The following SETD3 variants were observed in gnomAD, a reference collection of about 807,000 sequenced individuals.
The protein encoded by SETD3 is actin-histidine N-methyltransferase.
In SETD3, 19 loss-of-function variants were observed where a neutral mutation model predicts 63.0. That is an observed-to-expected ratio of 0.30 (90% CI 0.21 to 0.44). The LOEUF (loss-of-function observed/expected upper bound fraction) is 0.44. Among genes scored for constraint, SETD3 ranks in the 20% least tolerant of loss-of-function variants. SETD3 has a pLI of 1.00. For synonymous variants in SETD3, 286 were observed against 264.1 expected, an observed-to-expected ratio of 1.08 and a Z score of -0.80; for missense variants, 587 against 728.5, an observed-to-expected ratio of 0.81 and a Z score of 2.24.
intron 9 of SETD3, among the ~76,000 whole-genome samples, chr14:99,406,166 TA>T (rs1891670713): frequency 6.6e-6 from 1 of 151,918 alleles, no homozygotes; most frequent in Admixed American, 6.5e-5. Flanking sequence ...GTAGAAAAAA[TA>T]AAGGCAACAG....
intron 1 of SETD3, among the ~76,000 whole-genome samples, chr14:99,473,975 T>C (rs1036824270): frequency 1.3e-5 from 2 of 152,168 alleles, no homozygotes; most frequent in Non-Finnish European, 1.5e-5. Context: ...CCATACCAAC[T>C]CATACCAGTT....
intron 1 of SETD3, among the ~76,000 whole-genome samples, chr14:99,475,234 C>G (rs1440576941): frequency 6.6e-6 from 1 of 152,134 alleles, no homozygotes; most frequent in East Asian, 1.9e-4. Flanking sequence ...TAGAGGAGAC[C>G]TCTGGGGTTA....
intron 6 of SETD3, among the ~76,000 whole-genome samples, chr14:99,448,356 C>T (rs1050159070): frequency 8.5e-5 from 13 of 152,192 alleles, no homozygotes; most frequent in Admixed American, 6.5e-5. Context: ...GCTCTCAGCA[C>T]AGCTTCAGCC....
intron 6 of SETD3, among the ~76,000 whole-genome samples, chr14:99,422,138 T>C (rs1352971421): frequency 6.6e-6 from 1 of 152,212 alleles, no homozygotes; most frequent in Non-Finnish European, 1.5e-5. Context: ...GTAACTTAGA[T>C]TACCTGGTCT....
chr14:99,475,044 T>C lies in SETD3; in HGVS notation c.-9+5684A>G, dbSNP rs1025098235. Among the ~76,000 whole-genome samples the C allele has an allele frequency of 1.5e-4, 23 of 152,190 alleles. 1 individual carries two copies. Among genetic ancestry groups the C allele is most frequent in the South Asian group, 1.4e-3 (7 of 4,834 alleles). ...TTAATGGAAGTTACCAAAAAAACCT[T>C]TTGTAAAGCAAAAAATCATTGGGTA... On this transcript the variant is annotated intron_variant, in intron 1 of 12. Coordinates refer to ENST00000331768, the MANE Select transcript of SETD3 (RefSeq NM_032233.3).
At chr14:99,474,260 G>T (rs1165811022) in intron 1 of SETD3, among the ~76,000 whole-genome samples, 1 of 152,200 alleles carries the variant, frequency 6.6e-6, no homozygotes, top group African/African-American at 2.4e-5. Flanking sequence ...AGGAGGTGGA[G>T]ATTGCAGTGA....
chr14:99,458,420 G>A lies in SETD3; in HGVS notation c.534C>T (p.Thr178=). 6.2e-7 allele frequency: 1 copy of A among 1,614,088 alleles called. No individual in the cohort carries two copies. The highest frequency in any genetic ancestry group is 8.5e-7 in the Non-Finnish European group (1 of 1,180,014). ...GAGGAGTGTCATATTCACTGGGGAG[G>A]GTTTGAATATAGGGCTGCCAGAAGG... ...PNSFWQPYIQ[T]LPSEYDTPLY... is the part of the protein sequence containing the mutation. Residue 178 remains threonine (T), a synonymous_variant, in exon 6 of 13, where the codon ACC becomes ACT. Transcript: ENST00000331768.
intron 6 of SETD3, among the ~76,000 whole-genome samples, chr14:99,436,117 G>C (rs190059408): frequency 2.4e-4 from 36 of 152,084 alleles, no homozygotes; most frequent in African/African-American, 8.0e-4. Flanking sequence ...ACTATCACAA[G>C]AACAACATGG....
Position 99,464,203 on chromosome 14 carries a change from G to A in SETD3, c.104-625C>T, listed in dbSNP as rs560010429. Among the ~76,000 whole-genome samples, 11 of 152,292 alleles carry A rather than the reference G, an allele frequency of 7.2e-5. No individual in the cohort carries two copies. In the East Asian group the frequency reaches 1.4e-3, roughly 19 times the overall value. Reference sequence around the variant, plus strand: ...GGCCAGAACCAAAAGACCAACACCCGAGGCTGAGGTGTGAGTTTGAAAGAC... The same window carrying A: ...GGCCAGAACCAAAAGACCAACACCCAAGGCTGAGGTGTGAGTTTGAAAGAC... On this transcript the variant is annotated intron_variant, in intron 2 of 12. Transcript: ENST00000331768.
intron 8 of SETD3, chr14:99,409,781 AAAAC>A (rs1262572654): frequency 6.5e-6 from 1 of 153,346 alleles, no homozygotes; most frequent in South Asian, 2.1e-4. Flanking sequence ...TATTTTTTAA[AAAAC>A]AAAGAAAAAA....
chr14:99,483,186 G>A (rs370572155), upstream of SETD3, among the ~76,000 whole-genome samples: 60 of 152,230 alleles, frequency 3.9e-4, no homozygotes, highest in East Asian at 6.2e-3. Flanking sequence ...TGTTGGAAGA[G>A]CCAACAAGTT....
chr14:99,467,984 T>C (rs981909234), intron 1 of SETD3, among the ~76,000 whole-genome samples: 1 of 152,046 alleles, frequency 6.6e-6, no homozygotes, highest in African/African-American at 2.4e-5. Context: ...ACAGAGCTCT[T>C]CATTTGATCT....
chr14:99,481,821 C>T (rs1190822112), upstream of SETD3, among the ~76,000 whole-genome samples: 1 of 152,250 alleles, frequency 6.6e-6, no homozygotes, highest in Non-Finnish European at 1.5e-5. Context: ...CAGCCACAGA[C>T]TTCTCATATC....
At chr14:99,440,060 T>C (rs1351441548) in intron 6 of SETD3, among the ~76,000 whole-genome samples, 3 of 152,100 alleles carry the variant, frequency 2.0e-5, no homozygotes, top group African/African-American at 7.2e-5. Context: ...CTCCCCACCC[T>C]GGCCTCCCAA....
chr14:99,447,737 T>C (rs1894216262), intron 6 of SETD3, among the ~76,000 whole-genome samples: 1 of 151,968 alleles, frequency 6.6e-6, no homozygotes, highest in South Asian at 2.1e-4. Context: ...GTTGAACCGG[T>C]AAGGATAACA....
intron 6 of SETD3, among the ~76,000 whole-genome samples, chr14:99,421,367 G>A (rs1300700846): frequency 6.6e-6 from 1 of 151,336 alleles, no homozygotes; most frequent in Non-Finnish European, 1.5e-5. Flanking sequence ...AATAATTCAG[G>A]ATAACTACGT....
intron 6 of SETD3, among the ~76,000 whole-genome samples, chr14:99,441,413 A>G (rs897376286): frequency 3.3e-5 from 5 of 152,222 alleles, no homozygotes; most frequent in African/African-American, 1.2e-4. Flanking sequence ...GCACTAGGCC[A>G]GGCGGCAGTG....
At chr14:99,462,404 T>C (rs757559738) in intron 3 of SETD3, among the ~76,000 whole-genome samples, 9 of 152,218 alleles carry the variant, frequency 5.9e-5, no homozygotes, top group Admixed American at 3.9e-4. Context: ...TGTGGCCATC[T>C]TACCACAGCA....
At chr14:99,435,740 CCA>C (rs1344716890) in intron 6 of SETD3, among the ~76,000 whole-genome samples, 9 of 121,848 alleles carry the variant, frequency 7.4e-5, no homozygotes, top group Middle Eastern at 4.0e-3. Flanking sequence ...CCCCACCCCC[CCA>C]CCTTTTTTTT....
Sources: allele counts gnomAD v4.1 joint callset (sites outside exome capture counted in the v4.1 genomes callset), GRCh38; gene constraint gnomAD v4.1.1; transcripts MANE v1.5; gene names NCBI Gene and HGNC (gene_info 2026-07-23, HGNC 2026-07-21).